Variants in KRT83 observed in about 807,000 individuals in gnomAD.
KRT83 encodes keratin, type II cuticular Hb3.
A neutral mutation model predicts 52.9 loss-of-function variants in KRT83; 51 were observed. That is an observed-to-expected ratio of 0.96 (90% CI 0.77 to 1.22). KRT83 has a LOEUF of 1.22. KRT83 is among the 50% of genes most tolerant of loss of function. The pLI, the probability that KRT83 is intolerant of heterozygous loss-of-function variation, is 0.00. For synonymous variants in KRT83, 278 were observed against 274.1 expected (o/e 1.01, Z -0.14); for missense variants, 654 against 666.5 (o/e 0.98, Z 0.21).
chr12:52,320,770 T>C (rs1938755815), intron 1 of KRT83, among the ~76,000 whole-genome samples, 182 bp downstream of exon 1: 1 of 152,200 alleles, frequency 6.6e-6, no homozygotes, highest in South Asian at 2.1e-4. Flanking sequence ...CCCCCATCAG[T>C]CTGGTAGCTC....
At position 52,314,781 on chromosome 12, in the gene KRT83, A is replaced by G. The variant is rs2857670; in HGVS notation, c.1332T>C (p.Asp444=). 1,073,519 of 1,604,820 alleles carry G rather than the reference A, an allele frequency of 0.67. 361,108 individuals carry two copies. The highest frequency in any genetic ancestry group is 0.85 in the African/African-American group (64,025 of 74,890). Residue 444 remains aspartate (D), a synonymous_variant, in exon 9 of 9, where the codon GAT becomes GAC. Transcript: ENST00000293670. The part of the protein sequence containing the change: ...SSSRGGVVCG[D]LCVSGSRPVT... The stretch of plus-strand genomic sequence containing the variant: ...CCGGCCGGGAGCCCGACACGCAGAG[A>G]TCCCCGCACACAACCCCACCCCGGG...
rs1296238766 is a variant in KRT83, at chr12:52,315,240, T to C, written c.1294+72A>G. 3 of 1,458,524 alleles carry C rather than the reference T, an allele frequency of 2.1e-6. No individual in the cohort carries two copies. In the East Asian group the frequency reaches 6.8e-5, roughly 33 times the overall value. The allele number at this position is 1,458,524 out of a possible 1,614,324, so 90.3% of individuals were successfully genotyped here. A position where few individuals can be genotyped will look rare whatever the true frequency, so the allele number is the denominator to read the frequency against. ...TTGGAAACACTCCTCCCAAAGTCTCTGCATATATTCATAGTCAAGAAGTCC... is the reference window on the plus strand; with the variant it reads ...TTGGAAACACTCCTCCCAAAGTCTCCGCATATATTCATAGTCAAGAAGTCC... On this transcript the variant is annotated intron_variant, in intron 8 of 8. Coordinates refer to ENST00000293670, the MANE Select transcript of KRT83 (RefSeq NM_002282.3).
At chr12:52,320,499 T>C (rs1323089617) in intron 1 of KRT83, among the ~76,000 whole-genome samples, 2 of 152,190 alleles carry the variant, frequency 1.3e-5, no homozygotes, top group Non-Finnish European at 2.9e-5. Context: ...CAAAATACTC[T>C]AGACCCTGCT....
rs191036624 is a variant in KRT83 at position 52,320,195 on chromosome 12, C to T, written c.384+757G>A. On this transcript the variant is annotated intron_variant, in intron 1 of 8. Transcript: ENST00000293670. ...TTTTTTCCCGATCCTTTCTGGTGGG[C>T]ATCTCTCTAGTGTGACTCCTCTCTT... Among the ~76,000 whole-genome samples the T allele has an allele frequency of 1.3e-3, 194 of 152,288 alleles. 1 individual carries two copies. The highest frequency in any genetic ancestry group is 6.8e-3 in the Middle Eastern group (2 of 294).
rs1938729200 is a variant in KRT83 at position 52,319,011 on chromosome 12, G to T, written c.593+145C>A. On this transcript the variant is annotated intron_variant, in intron 2 of 8. Coordinates refer to ENST00000293670, the MANE Select transcript of KRT83 (RefSeq NM_002282.3). ...CTGAGCCTCCATCCCCCACACCCAA[G>T]GGACCCCTGTGTCTCAAACAGGGGG... The T allele has an allele frequency of 1.3e-5, 15 of 1,199,916 alleles. No individual in the cohort carries two copies. In the South Asian group the frequency reaches 1.6e-4, roughly 13 times the overall value. The allele number at this position is 1,199,916 out of a possible 1,614,324, so 74.3% of individuals were successfully genotyped here.
At chr12:52,317,554 G>T in intron 4 of KRT83, 127 bp downstream of exon 4, 1 of 1,137,594 alleles carries the variant, frequency 8.8e-7, no homozygotes, top group Non-Finnish European at 1.3e-6. Context: ...CTTGCTCCCT[G>T]CCAACCCTCC....
Position 52,317,524 on chromosome 12 carries a change from C to T in KRT83, c.750+157G>A, listed in dbSNP as rs539078734. 5.3e-4 allele frequency among the ~76,000 whole-genome samples: 80 copies of T among 152,296 alleles called. No homozygotes were observed. The Middle Eastern group carries it at 0.01, about 19-fold the overall frequency. On this transcript the variant is annotated intron_variant, in intron 4 of 8. Transcript: ENST00000293670. ...CCTTTTTGGCTTTCCATCCGTTTGC[C>T]TCCCTGTTCCTTCCCTCTCCTTGCT...
At chr12:52,317,607 C>G (rs1221193317) in intron 4 of KRT83, 74 bp downstream of exon 4, 6 of 1,511,976 alleles carry the variant, frequency 4.0e-6, no homozygotes, top group Non-Finnish European at 1.8e-6. Context: ...CTGGTTCATG[C>G]CTGTGGGTGT....
chr12:52,320,810 T>C, intron 1 of KRT83, 142 bp downstream of exon 1: 1 of 1,535,640 alleles, frequency 6.5e-7, no homozygotes, highest in South Asian at 1.1e-5. Context: ...TCTGTCTGTG[T>C]CCTAGAAGTA....
rs770285501 is a variant in KRT83 at position 52,317,673 on chromosome 12, C to A, written c.750+8G>T. 1 of 1,611,842 alleles carries A rather than the reference C, an allele frequency of 6.2e-7. No homozygotes were observed. The highest frequency in any genetic ancestry group is 1.1e-5 in the South Asian group (1 of 90,976). ...GATCTGTGCCCACCATGGTTGAGAG[C>A]CCCTCACCTCCTCGTACAGCCGCCT... On this transcript the variant is annotated splice_region_variant and intron_variant, in intron 4 of 8. Coordinates refer to ENST00000293670, the MANE Select transcript of KRT83 (RefSeq NM_002282.3).
At position 52,314,644 on chromosome 12, in the gene KRT83, T is replaced by G. The variant is rs1938657940; in HGVS notation, c.1469A>C (p.Gln490Pro). The G allele has an allele frequency of 1.3e-6, 2 of 1,569,194 alleles. No individual in the cohort carries two copies. The highest frequency in any genetic ancestry group is 2.3e-5 in the South Asian group (2 of 85,264). The change falls in exon 9 of 9, where the codon CAG (glutamine) becomes CCG (proline). Residue 490 changes from glutamine (Q) to proline (P), a missense_variant. Physicochemically the swap from Gln to Pro is moderately conservative, Grantham distance 76. Coordinates refer to ENST00000293670, the MANE Select transcript of KRT83 (RefSeq NM_002282.3). ...CTTTTGGGCCACTTAATGCCTCCCCTGGCCGCAGGAGCCCCCTCCACAGGT... is the reference window on the plus strand; with the variant it reads ...CTTTTGGGCCACTTAATGCCTCCCCGGGCCGCAGGAGCCCCCTCCACAGGT... ...NTTCGGGSCG[Q>P]GRH
chr12:52,319,041 G>A (rs561370538), intron 2 of KRT83, 115 bp downstream of exon 2: 1 of 1,503,498 alleles, frequency 6.7e-7, no homozygotes, highest in East Asian at 2.3e-5. Flanking sequence ...AGGGGGTACA[G>A]GTTCTTCTCC....
chr12:52,314,716 A>T lies in KRT83; in HGVS notation c.1397T>A (p.Leu466Gln). ...SVCSAPCNGN[L>Q]VVSTGLCKPC... Reference sequence around the variant, plus strand: ...CTTGCACAAACCAGTGCTCACCACCAGGTTCCCGTTGCAGGGGGCACTGCA... The same window carrying T: ...CTTGCACAAACCAGTGCTCACCACCTGGTTCCCGTTGCAGGGGGCACTGCA... Residue 466 changes from leucine to glutamine, a missense_variant, in exon 9 of 9, where the codon CTG (leucine) becomes CAG (glutamine). By Grantham distance (113) the Leu-to-Gln change is moderately radical (BLOSUM62 -2). Coordinates refer to ENST00000293670, the MANE Select transcript of KRT83 (RefSeq NM_002282.3). 6.3e-7 allele frequency: 1 copy of T among 1,587,764 alleles called. No homozygotes were observed. Among genetic ancestry groups the T allele is most frequent in the Non-Finnish European group, 8.6e-7 (1 of 1,167,234 alleles).
At chr12:52,317,653 G>A (rs1270338691) in intron 4 of KRT83, 28 bp downstream of exon 4, 1 of 1,608,664 alleles carries the variant, frequency 6.2e-7, no homozygotes, top group South Asian at 1.1e-5. Flanking sequence ...GGGGGGATCT[G>A]TGCCCACCAT....
intron 2 of KRT83, among the ~76,000 whole-genome samples, chr12:52,318,651 G>A (rs540944947): frequency 6.6e-6 from 1 of 152,296 alleles, no homozygotes; most frequent in South Asian, 2.1e-4. Context: ...TCCTTCTGAG[G>A]ATCCAGTGCG....
chr12:52,316,053 C>T lies in KRT83; in HGVS notation c.1102G>A (p.Asp368Asn). ...AGCTCGGCCAGCTTGCAGCGGGCAT[C>T]ACTGAGGGCCGCCTCACCCTGCTGC... The part of the protein sequence containing the change: ...SEQQGEAALS[D>N]ARCKLAELEG... The change falls in exon 7 of 9, where the codon GAT becomes AAT. Residue 368 changes from aspartate to asparagine, a missense_variant. Coordinates refer to ENST00000293670, the MANE Select transcript of KRT83 (RefSeq NM_002282.3). 1.2e-6 allele frequency: 2 copies of T among 1,613,812 alleles called. No homozygotes were observed. The highest frequency in any genetic ancestry group is 1.7e-6 in the Non-Finnish European group (2 of 1,179,978).
Position 52,315,351 on chromosome 12 carries a change from G to T in KRT83, c.1263-8C>A. ...TCAACACCTTCACACAGCCTGAGTG[G>T]GGAAAAAGTAAGGAAGGGGAAGATA... On this transcript the variant is annotated splice_region_variant and splice_polypyrimidine_tract_variant and intron_variant, in intron 7 of 8. Coordinates refer to ENST00000293670, the MANE Select transcript of KRT83 (RefSeq NM_002282.3). 6.2e-7 allele frequency: 1 copy of T among 1,613,556 alleles called. No individual in the cohort carries two copies. The highest frequency in any genetic ancestry group is 1.1e-5 in the South Asian group (1 of 91,030).
chr12:52,319,403 A>T (rs749450532), intron 1 of KRT83, 39 bp from the exon 2 acceptor site: 14 of 1,596,748 alleles, frequency 8.8e-6, no homozygotes, highest in East Asian at 6.7e-5. Flanking sequence ...CTCTTCTTGC[A>T]GCATCAGAGG....
At chr12:52,317,105 A>C (rs1938700198) in intron 4 of KRT83, 82 bp from the exon 5 acceptor site, 3 of 1,570,582 alleles carry the variant, frequency 1.9e-6, no homozygotes, top group Non-Finnish European at 2.6e-6. Flanking sequence ...CTTTTGGCTC[A>C]TCGGGAGTGA....
Sources: allele counts gnomAD v4.1 joint callset (sites outside exome capture counted in the v4.1 genomes callset), GRCh38; gene constraint gnomAD v4.1.1; transcripts MANE v1.5; gene names NCBI Gene and HGNC (gene_info 2026-07-23, HGNC 2026-07-21).